EXOC4: variants seen among roughly 807,000 people sequenced by gnomAD.
The protein encoded by EXOC4 is SEC8-like 1.
A neutral mutation model predicts 107.2 loss-of-function variants in EXOC4; 71 were observed. The ratio of observed to expected loss-of-function variants is 0.66; its 90% confidence interval spans 0.55 to 0.81. The LOEUF is 0.81. EXOC4 is among the 30% of genes least tolerant of loss of function. The pLI, the probability that EXOC4 is intolerant of heterozygous loss-of-function variation, is 0.00. For missense variants in EXOC4, 1,108 were observed against 1,189.6 expected, an observed-to-expected ratio of 0.93 and a Z score of 1.01; for synonymous variants, 456 against 441.2, an observed-to-expected ratio of 1.03 and a Z score of -0.42.
chr7:133,848,446 C>A (rs372457785), intron 11 of EXOC4, among the ~76,000 whole-genome samples: 2 of 152,318 alleles, frequency 1.3e-5, no homozygotes, highest in East Asian at 3.9e-4. Flanking sequence ...ACTTTCCCAG[C>A]CTCTGAATCT....
At chr7:133,283,323 C>T (rs1376400608) in intron 2 of EXOC4, among the ~76,000 whole-genome samples, 2 of 152,176 alleles carry the variant, frequency 1.3e-5, no homozygotes, top group Non-Finnish European at 2.9e-5. Flanking sequence ...GATCTACCCA[C>T]CTCAGGCTCC....
At chr7:133,759,439 C>T (rs1795988860) in intron 10 of EXOC4, among the ~76,000 whole-genome samples, 3 of 152,186 alleles carry the variant, frequency 2.0e-5, no homozygotes, top group African/African-American at 7.2e-5. Flanking sequence ...TGCACTGTGT[C>T]TCAGGCACAG....
the EXOC4 span, among the ~76,000 whole-genome samples, chr7:134,077,286 A>C: frequency 6.6e-6 from 1 of 152,172 alleles, no homozygotes; most frequent in Non-Finnish European, 1.5e-5. Flanking sequence ...AGAAGGAAAG[A>C]CTTGTCCTTC....
At chr7:133,685,803 C>T (rs1308199538) in intron 10 of EXOC4, among the ~76,000 whole-genome samples, 1 of 152,034 alleles carries the variant, frequency 6.6e-6, no homozygotes, top group East Asian at 1.9e-4. Context: ...CGTAGTGGTG[C>T]AGTCTGGTCT....
intron 9 of EXOC4, among the ~76,000 whole-genome samples, chr7:133,594,467 G>A (rs911647443): frequency 1.5e-5 from 2 of 135,662 alleles, no homozygotes; most frequent in Non-Finnish European, 3.1e-5. Flanking sequence ...GAGAGTTGAT[G>A]AGACAAGAAA....
intron 2 of EXOC4, among the ~76,000 whole-genome samples, chr7:133,282,656 A>T (rs979914153): frequency 2.0e-5 from 3 of 152,108 alleles, no homozygotes; most frequent in African/African-American, 7.2e-5. Flanking sequence ...TTAAAAATTG[A>T]CAAATAAAAA....
chr7:133,599,084 A>G (rs1023800197), intron 9 of EXOC4, among the ~76,000 whole-genome samples: 13 of 152,184 alleles, frequency 8.5e-5, no homozygotes, highest in Admixed American at 3.3e-4. Flanking sequence ...TTAAAATGTG[A>G]CTACCTGTTT....
chr7:133,589,499 G>C (rs2150976249), intron 9 of EXOC4, among the ~76,000 whole-genome samples: 1 of 152,328 alleles, frequency 6.6e-6, no homozygotes, highest in Middle Eastern at 3.4e-3. Flanking sequence ...GTTCTTCAGA[G>C]AAGTGCTTCA....
intron 12 of EXOC4, among the ~76,000 whole-genome samples, chr7:133,897,159 T>G (rs1364412902): frequency 6.6e-6 from 1 of 151,804 alleles, no homozygotes; most frequent in Non-Finnish European, 1.5e-5. Flanking sequence ...GGAAGCAGTG[T>G]TTACGGAAGA....
At chr7:133,369,847 C>T (rs1796329319) in intron 6 of EXOC4, among the ~76,000 whole-genome samples, 1 of 102,824 alleles carries the variant, frequency 9.7e-6, no homozygotes, top group South Asian at 3.6e-4. Context: ...GCTCTTATTG[C>T]CCAGGCTGGA....
At chr7:133,678,922 C>T (rs1289783834) in intron 10 of EXOC4, among the ~76,000 whole-genome samples, 1 of 152,114 alleles carries the variant, frequency 6.6e-6, no homozygotes, top group Non-Finnish European at 1.5e-5. Context: ...ACCTGGCCAG[C>T]TTCCACTGTC....
At chr7:133,580,965 A>G (rs1801252893) in intron 9 of EXOC4, among the ~76,000 whole-genome samples, 1 of 152,240 alleles carries the variant, frequency 6.6e-6, no homozygotes, top group Admixed American at 6.5e-5. Context: ...CTTTTCAGGA[A>G]GTAACTAACA....
chr7:133,631,160 A>G (rs1445258369), intron 10 of EXOC4, among the ~76,000 whole-genome samples: 1 of 152,130 alleles, frequency 6.6e-6, no homozygotes, highest in African/African-American at 2.4e-5. Flanking sequence ...ACCAGAGTAT[A>G]TATTTGTGGC....
At chr7:133,591,232 A>C (rs1293706520) in intron 9 of EXOC4, among the ~76,000 whole-genome samples, 1 of 151,966 alleles carries the variant, frequency 6.6e-6, no homozygotes, top group Non-Finnish European at 1.5e-5. Flanking sequence ...GAATCTCACT[A>C]TTTTCCCCAT....
chr7:133,404,053 T>C (rs1797153674), intron 7 of EXOC4, among the ~76,000 whole-genome samples: 1 of 152,172 alleles, frequency 6.6e-6, no homozygotes, highest in African/African-American at 2.4e-5. Context: ...ATATTCTCCA[T>C]AGTGCAGCTG....
intron 10 of EXOC4, among the ~76,000 whole-genome samples, chr7:133,771,704 A>C (rs1013344252): frequency 5.3e-5 from 8 of 151,954 alleles, no homozygotes; most frequent in African/African-American, 1.9e-4. Flanking sequence ...TTTCCATATC[A>C]TATTGCTACA....
At chr7:133,870,966 C>T (rs1342305399) in intron 11 of EXOC4, among the ~76,000 whole-genome samples, 5 of 152,160 alleles carry the variant, frequency 3.3e-5, no homozygotes, top group Admixed American at 1.3e-4. Flanking sequence ...ACTCGGTAGT[C>T]GTACTCACAT....
chr7:133,723,143 G>T (rs1367636925), intron 10 of EXOC4, among the ~76,000 whole-genome samples: 1 of 152,212 alleles, frequency 6.6e-6, no homozygotes, highest in Non-Finnish European at 1.5e-5. Flanking sequence ...CTACATGTCT[G>T]TTGCTCATTA....
At chr7:133,691,300 T>G (rs1794413350) in intron 10 of EXOC4, among the ~76,000 whole-genome samples, 1 of 152,192 alleles carries the variant, frequency 6.6e-6, no homozygotes, top group Non-Finnish European at 1.5e-5. Context: ...TTTCCAGCAG[T>G]CAGCACAGAG....
Sources: allele counts gnomAD v4.1 joint callset (sites outside exome capture counted in the v4.1 genomes callset), GRCh38; gene constraint gnomAD v4.1.1; transcripts MANE v1.5; gene names NCBI Gene and HGNC (gene_info 2026-07-23, HGNC 2026-07-21).